ZNF90: variants seen among roughly 807,000 people sequenced by gnomAD.
ZNF90 encodes zinc finger protein HTF9.
ZNF90 carries 11 observed loss-of-function variants against 12.0 expected under a neutral mutation model. The observed-to-expected ratio is 0.92, with a 90% CI of 0.58 to 1.52. The LOEUF (loss-of-function observed/expected upper bound fraction) is 1.52, where lower values mean the gene tolerates loss of function less well. ZNF90 is among the 40% of genes most tolerant of loss of function. The pLI is 0.00. For synonymous variants in ZNF90, 232 were observed against 240.1 expected (o/e 0.97, Z 0.31); for missense variants, 765 against 711.5 (o/e 1.08, Z -0.86).
Position 20,104,332 on chromosome 19 carries a change from A to C in ZNF90, c.97A>C (p.Met33Leu). The stretch of plus-strand genomic sequence containing the variant: ...ACAGCAGAATTTATATAGGGATGTG[A>C]TGTTAGAGAACTACAGACACCTGGT... ...TAQQNLYRDV[M>L]LENYRHLVFL... The change falls in exon 2 of 4, where the codon ATG (methionine) becomes CTG (leucine). Residue 33 changes from methionine (M) to leucine (L), a missense_variant. Physicochemically the swap from Met to Leu is conservative, Grantham distance 15. Coordinates refer to ENST00000418063, the MANE Select transcript of ZNF90 (RefSeq NM_007138.2). The C allele has an allele frequency of 6.2e-7, 1 of 1,614,074 alleles. No individual in the cohort carries two copies. The highest frequency in any genetic ancestry group is 2.2e-5 in the East Asian group (1 of 44,866).
chr19:20,120,296 G>T lies in ZNF90; in HGVS notation c.*936G>T, dbSNP rs1247896290. On this transcript the variant is annotated 3_prime_UTR_variant, in exon 4 of 4. Coordinates refer to ENST00000418063, the MANE Select transcript of ZNF90 (RefSeq NM_007138.2). Reference sequence around the variant, plus strand: ...GCATTTAAAGTGCAATTATGCTCAAGAAATCTTTCAGAAAATAGAAGCCTT... The same window carrying T: ...GCATTTAAAGTGCAATTATGCTCAATAAATCTTTCAGAAAATAGAAGCCTT... 1.3e-5 allele frequency among the ~76,000 whole-genome samples: 2 copies of T among 152,212 alleles called. No homozygotes were observed. Among genetic ancestry groups the T allele is most frequent in the East Asian group, 3.8e-4 (2 of 5,202 alleles).
intron 3 of ZNF90, among the ~76,000 whole-genome samples, chr19:20,113,189 T>A (rs1403467715): frequency 6.7e-6 from 1 of 149,730 alleles, no homozygotes; most frequent in African/African-American, 2.5e-5. Context: ...TTTTTTTTTC[T>A]TTTTTTTTTC....
chr19:20,105,961 A>C (rs1023796160), intron 3 of ZNF90, among the ~76,000 whole-genome samples: 33 of 151,738 alleles, frequency 2.2e-4, no homozygotes, highest in Non-Finnish European at 4.1e-4. Flanking sequence ...ACTTTGGATA[A>C]TATGGCACTT....
rs61998208 is a variant in ZNF90, at chr19:20,118,360, C to T, written c.806C>T (p.Ser269Phe). Residue 269 changes from serine to phenylalanine, a missense_variant, in exon 4 of 4, where the codon TCC becomes TTC. Transcript: ENST00000418063. ...GATTGTGGCAAAGAATTAAAGTATT[C>T]CTCTACCCTTACTGCACATAAGAGA... The part of the protein sequence containing the change: ...CEDCGKELKY[S>F]STLTAHKRIH... The T allele has an allele frequency of 9.5e-3, 14,882 of 1,559,314 alleles. 1,689 individuals carry two copies. The African/African-American group carries it at 0.2, about 21-fold the overall frequency.
At chr19:20,084,629 T>C (rs551301937) in intron 1 of ZNF90, among the ~76,000 whole-genome samples, 10 of 152,328 alleles carry the variant, frequency 6.6e-5, no homozygotes, top group Admixed American at 3.3e-4. Context: ...CATTCCCTTT[T>C]CTCTGCAACC....
Position 20,121,054 on chromosome 19 carries a change from G to A in ZNF90, c.*1694G>A, listed in dbSNP as rs538871241. The A allele has an allele frequency of 4.6e-5, 8 of 173,050 alleles. No individual in the cohort carries two copies. The highest frequency in any genetic ancestry group is 2.4e-4 in the Admixed American group (4 of 16,452). 10.7% of individuals were successfully genotyped at this position (173,050 alleles called of 1,614,324 possible). A position where few individuals can be genotyped will look rare whatever the true frequency, so the allele number is the denominator to read the frequency against. ...AGTAATGTATAAGGTAGTGTTCAGAGTAATACTTTTCTACATTATAGTGAG... is the reference window on the plus strand; with the variant it reads ...AGTAATGTATAAGGTAGTGTTCAGAATAATACTTTTCTACATTATAGTGAG... On this transcript the variant is annotated 3_prime_UTR_variant, in exon 4 of 4. Transcript: ENST00000418063.
At chr19:20,098,940 G>T (rs568239007) in intron 1 of ZNF90, among the ~76,000 whole-genome samples, 61 of 152,154 alleles carry the variant, frequency 4.0e-4, no homozygotes, top group African/African-American at 1.2e-3. Context: ...TAAGCTAGTT[G>T]CTTCCATTTC....
chr19:20,118,320 C>T lies in ZNF90; in HGVS notation c.766C>T (p.Arg256Trp), dbSNP rs562770132. Residue 256 changes from arginine (R) to tryptophan (W), a missense_variant, in exon 4 of 4, where the codon CGG becomes TGG. Arg to Trp is a moderately radical substitution (Grantham distance 101). Coordinates refer to ENST00000418063, the MANE Select transcript of ZNF90 (RefSeq NM_007138.2). The part of the protein sequence containing the change: ...AHKRIHTGEK[R>W]YKCEDCGKEL... ...TAAGAGAATTCATACTGGAGAGAAA[C>T]GGTACAAATGTGAAGATTGTGGCAA... The T allele has an allele frequency of 3.6e-5, 57 of 1,562,484 alleles. No individual in the cohort carries two copies. The East Asian group carries it at 3.8e-4, about 11-fold the overall frequency.
rs1206179407 is a variant in ZNF90 at position 20,120,875 on chromosome 19, A to G, written c.*1515A>G. 2.0e-5 allele frequency: 3 copies of G among 152,216 alleles called. No individual in the cohort carries two copies. The highest frequency in any genetic ancestry group is 7.2e-5 in the African/African-American group (3 of 41,462). 9.4% of individuals were successfully genotyped at this position (152,216 alleles called of 1,614,324 possible). A position where few individuals can be genotyped will look rare whatever the true frequency, so the allele number is the denominator to read the frequency against. ...GTTACTTTATTTCTATTCACATGTG[A>G]AAGCATGTGATCAATTGATGCTGCA... On this transcript the variant is annotated 3_prime_UTR_variant, in exon 4 of 4. Transcript: ENST00000418063.
At chr19:20,115,882 GTATT>G (rs2089132774) in intron 3 of ZNF90, among the ~76,000 whole-genome samples, 1 of 151,768 alleles carries the variant, frequency 6.6e-6, no homozygotes, top group Non-Finnish European at 1.5e-5. Context: ...ATTTATTTCT[GTATT>G]TATTTTATCT....
At chr19:20,114,850 A>G (rs1406077637) in intron 3 of ZNF90, among the ~76,000 whole-genome samples, 1 of 151,906 alleles carries the variant, frequency 6.6e-6, no homozygotes, top group Non-Finnish European at 1.5e-5. Context: ...TTGTTTTATT[A>G]TTATAACAGA....
rs569937981 is a variant in ZNF90 at position 20,119,197 on chromosome 19, G to T, written c.1643G>T (p.Arg548Leu). 1 of 1,612,984 alleles carries T rather than the reference G, an allele frequency of 6.2e-7. No homozygotes were observed. ...GAAGAATGTGGCAAAGCCTTTAAGC[G>T]CTCCTCACAGCTTACTAGTCATAAG... The part of the protein sequence containing the change: ...KCEECGKAFK[R>L]SSQLTSHKIS... The change falls in exon 4 of 4, where the codon CGC becomes CTC. Residue 548 changes from arginine (R) to leucine (L), a missense_variant. By Grantham distance (102) the Arg-to-Leu change is moderately radical. Transcript: ENST00000418063.
intron 3 of ZNF90, 180 bp from the exon 4 acceptor site, chr19:20,117,601 T>C (rs2089151529): frequency 1.0e-6 from 1 of 984,720 alleles, no homozygotes; most frequent in Admixed American, 6.2e-5. Flanking sequence ...CTGGTTAATT[T>C]TGTTTGTAAA....
chr19:20,116,530 T>G (rs1411826303), intron 3 of ZNF90, among the ~76,000 whole-genome samples: 1 of 152,206 alleles, frequency 6.6e-6, no homozygotes, highest in African/African-American at 2.4e-5. Flanking sequence ...TTTTGAAATG[T>G]TTTTCATTGG....
At chr19:20,079,433 AT>A (rs1283089785) in intron 1 of ZNF90, among the ~76,000 whole-genome samples, 10 of 152,258 alleles carry the variant, frequency 6.6e-5, no homozygotes, top group Admixed American at 5.9e-4. Context: ...ACTTTGTAAA[AT>A]AAAAACGTTA....
chr19:20,087,421 C>G (rs1408618453), intron 1 of ZNF90: 1 of 152,276 alleles, frequency 6.6e-6, no homozygotes, highest in East Asian at 1.9e-4. Context: ...CTATCTCTAT[C>G]TGGACTCATG....
Position 20,105,324 on chromosome 19 carries a change from C to G in ZNF90, c.226+8C>G, listed in dbSNP as rs781927617. 1.3e-6 allele frequency: 2 copies of G among 1,597,774 alleles called. No homozygotes were observed. The highest frequency in any genetic ancestry group is 2.3e-5 in the East Asian group (1 of 44,146). ...TGATTGCCAAATCCCCAGGTAGGTG[C>G]GAGTGAAAATGAATACAACAGACAA... is the stretch of plus-strand genomic sequence containing the variant. On this transcript the variant is annotated splice_region_variant and intron_variant, in intron 3 of 3. Coordinates refer to ENST00000418063, the MANE Select transcript of ZNF90 (RefSeq NM_007138.2).
Position 20,118,693 on chromosome 19 carries a change from C to T in ZNF90, c.1139C>T (p.Ser380Leu), listed in dbSNP as rs1242848157. The change falls in exon 4 of 4, where the codon TCA (serine) becomes TTA (leucine). Residue 380 changes from serine (S) to leucine (L), a missense_variant. Ser to Leu is a moderately radical substitution (Grantham distance 145). Coordinates refer to ENST00000418063, the MANE Select transcript of ZNF90 (RefSeq NM_007138.2). ...KCDKCGKAFI[S>L]SSLLYKHKIS... The stretch of plus-strand genomic sequence containing the variant: ...GATAAATGTGGCAAAGCATTTATTT[C>T]ATCCTCACTCCTTTATAAACATAAG... The T allele has an allele frequency of 6.4e-7, 1 of 1,565,044 alleles. No homozygotes were observed. Among genetic ancestry groups the T allele is most frequent in the Non-Finnish European group, 8.7e-7 (1 of 1,155,964 alleles).
At chr19:20,112,048 A>G (rs2089094024) in intron 3 of ZNF90, among the ~76,000 whole-genome samples, 1 of 151,682 alleles carries the variant, frequency 6.6e-6, no homozygotes, top group Non-Finnish European at 1.5e-5. Flanking sequence ...TAGTAGAGAG[A>G]GCGTTTCACA....
Sources: gnomAD v4.1 joint callset for allele counts (sites outside exome capture counted in the v4.1 genomes callset) on GRCh38, gnomAD v4.1.1 for gene constraint, MANE v1.5 for transcripts, NCBI Gene and HGNC (gene_info 2026-07-23, HGNC 2026-07-21) for gene names.